MYO18A: variants seen among roughly 807,000 people sequenced by gnomAD.
MYO18A encodes the protein unconventional myosin-XVIIIa.
A neutral mutation model predicts 235.8 loss-of-function variants in MYO18A; 78 were observed. The ratio of observed to expected loss-of-function variants is 0.33; its 90% CI spans 0.28 to 0.40. The LOEUF (loss-of-function observed/expected upper bound fraction) is 0.40, where lower values mean the gene tolerates loss of function less well. Among genes scored for constraint, MYO18A ranks in the 10% least tolerant of loss-of-function variants. The pLI, the probability that MYO18A is intolerant of heterozygous loss-of-function variation, is 1.00. For synonymous variants in MYO18A, 977 were observed against 1,077.8 expected, an observed-to-expected ratio of 0.91 and a Z score of 1.83; for missense variants, 2,215 against 2,699.3, an observed-to-expected ratio of 0.82 and a Z score of 3.98.
At chr17:29,116,552 CG>C in intron 10 of MYO18A, 97 bp from the exon 11 acceptor site, 1 of 1,487,914 alleles carries the variant, frequency 6.7e-7, no homozygotes, top group Non-Finnish European at 9.4e-7. Context: ...GACCGTGGGG[CG>C]GGGGTGTTGT....
intron 1 of MYO18A, among the ~76,000 whole-genome samples, chr17:29,171,122 T>C (rs954934728): frequency 2.6e-5 from 4 of 152,204 alleles, no homozygotes; most frequent in East Asian, 1.9e-4. Flanking sequence ...GATAAGTATA[T>C]GCACTTGTCA....
intron 21 of MYO18A, 54 bp downstream of exon 21, chr17:29,103,545 C>G: frequency 6.3e-7 from 1 of 1,577,040 alleles, no homozygotes; most frequent in Non-Finnish European, 8.7e-7. Flanking sequence ...GGGCCAGCCA[C>G]CTGACAGGGG....
chr17:29,173,769 GA>G (rs544963663), intron 1 of MYO18A, among the ~76,000 whole-genome samples: 85 of 146,562 alleles, frequency 5.8e-4, no homozygotes, highest in African/African-American at 1.7e-3. Flanking sequence ...TGGTATCTGT[GA>G]AAAAAAAAAA....
At chr17:29,098,513 C>G in intron 23 of MYO18A, 68 bp from the exon 24 acceptor site, 1 of 1,561,094 alleles carries the variant, frequency 6.4e-7, no homozygotes. Context: ...TGGGTCTGCA[C>G]CCCTGTAGTG....
rs149816311 is a variant in MYO18A, at chr17:29,177,112, TAC to T, written c.-82+3199_-82+3200del. Reference sequence around the variant, plus strand: ...CTCTCTAAGCCTCCACTATTTCAGCTACAGTTATCTTCAAGGGCCTGACAGCT... The same window carrying T: ...CTCTCTAAGCCTCCACTATTTCAGCTAGTTATCTTCAAGGGCCTGACAGCT... On this transcript the variant is annotated intron_variant, in intron 1 of 41. Transcript: ENST00000527372. Among the ~76,000 whole-genome samples the T allele has an allele frequency of 7.6e-3, 1,156 of 152,308 alleles. 38 individuals are homozygous for T. The highest frequency in any genetic ancestry group is 0.052 in the Admixed American group (801 of 15,294).
At chr17:29,124,034 C>T (rs548943451) in intron 2 of MYO18A, among the ~76,000 whole-genome samples, 2 of 142,508 alleles carry the variant, frequency 1.4e-5, no homozygotes, top group South Asian at 2.3e-4. Context: ...GGCGACAGAG[C>T]GAGACTCCAT....
At chr17:29,113,114 C>G (rs1315289225) in intron 15 of MYO18A, among the ~76,000 whole-genome samples, 2 of 152,200 alleles carry the variant, frequency 1.3e-5, no homozygotes, top group African/African-American at 2.4e-5. Flanking sequence ...GTGAGGCCAC[C>G]ATAGGAGCCC....
chr17:29,099,568 C>T, intron 22 of MYO18A, 66 bp downstream of exon 22: 1 of 1,565,272 alleles, frequency 6.4e-7, no homozygotes, highest in Non-Finnish European at 8.7e-7. Flanking sequence ...CTTATAGCCC[C>T]CACCCCAGGA....
At chr17:29,156,016 G>A (rs2068059212) in intron 2 of MYO18A, among the ~76,000 whole-genome samples, 1 of 152,170 alleles carries the variant, frequency 6.6e-6, no homozygotes, top group South Asian at 2.1e-4. Flanking sequence ...GCTGAGCCTG[G>A]GCCCCAGGAG....
At chr17:29,116,920 G>T (rs927679201) in intron 10 of MYO18A, among the ~76,000 whole-genome samples, 3 of 151,858 alleles carry the variant, frequency 2.0e-5, no homozygotes, top group African/African-American at 7.3e-5. Flanking sequence ...ACGCCTGCCC[G>T]CCTGTCTGTC....
intron 2 of MYO18A, among the ~76,000 whole-genome samples, chr17:29,157,141 G>A (rs562775556): frequency 3.1e-4 from 47 of 152,352 alleles, no homozygotes; most frequent in Middle Eastern, 3.4e-3. Context: ...CCCAGATCTA[G>A]CATATGGCCC....
chr17:29,115,729 C>G lies in MYO18A; in HGVS notation c.2162G>C (p.Gly721Ala). Residue 721 changes from glycine (G) to alanine (A), a missense_variant, in exon 12 of 42, where the codon GGC becomes GCC. Coordinates refer to ENST00000527372, the MANE Select transcript of MYO18A (RefSeq NM_078471.4). ...SAIFKHQHKG[G>A]TLQRSTSFRQ... ...GAAGGAGGTGGAGCGCTGCAGGGTGCCACCCTTGTGCTGGTGCTTGAAGAT... is the reference window on the plus strand; with the variant it reads ...GAAGGAGGTGGAGCGCTGCAGGGTGGCACCCTTGTGCTGGTGCTTGAAGAT... The G allele has an allele frequency of 1.2e-6, 2 of 1,603,688 alleles. No individual in the cohort carries two copies. The highest frequency in any genetic ancestry group is 1.7e-6 in the Non-Finnish European group (2 of 1,175,408).
At chr17:29,080,118 G>A (rs934118011) in intron 41 of MYO18A, 9 of 985,952 alleles carry the variant, frequency 9.1e-6, no homozygotes, top group African/African-American at 3.5e-5. Flanking sequence ...CAGCAGAGGC[G>A]GAGCGGCGGA....
At chr17:29,170,801 C>T (rs2068384752) in intron 1 of MYO18A, among the ~76,000 whole-genome samples, 1 of 152,174 alleles carries the variant, frequency 6.6e-6, no homozygotes, top group Admixed American at 6.5e-5. Context: ...AAGGCAATGA[C>T]CATCAACCTC....
At chr17:29,115,543 A>G (rs12936218) in intron 12 of MYO18A, 102 bp from the exon 13 acceptor site, 785,268 of 1,471,726 alleles carry the variant, frequency 0.53, 215,294 homozygotes, top group East Asian at 0.89. Flanking sequence ...GGCCTGGGGC[A>G]GGGCCTCTGC....
rs1341969674 is a variant in MYO18A at position 29,124,752 on chromosome 17, C to G, written c.1000-2499G>C. The G allele has an allele frequency of 3.5e-5, 42 of 1,210,012 alleles. No individual in the cohort carries two copies. The East Asian group carries it at 2.4e-3, about 70-fold the overall frequency. The allele number at this position is 1,210,012 out of a possible 1,614,324, so 75.0% of individuals were successfully genotyped here. A position where few individuals can be genotyped will look rare whatever the true frequency, so the allele number is the denominator to read the frequency against. The stretch of plus-strand genomic sequence containing the variant: ...TGAAGATAAGCAGACCACTGGCACG[C>G]CCCCTTCAGCAAGTGCTCCTGAGTC... On this transcript the variant is annotated intron_variant, in intron 2 of 41. Transcript: ENST00000527372.
chr17:29,112,526 G>C (rs575634328), intron 15 of MYO18A, among the ~76,000 whole-genome samples: 3 of 152,252 alleles, frequency 2.0e-5, no homozygotes, highest in Non-Finnish European at 4.4e-5. Flanking sequence ...TCTCCTGGAA[G>C]AACACTGGCC....
In MYO18A at chr17:29,158,437, C is replaced by T. The variant is rs984850200; in HGVS notation, c.999+7505G>A. On this transcript the variant is annotated intron_variant, in intron 2 of 41. Coordinates refer to ENST00000527372, the MANE Select transcript of MYO18A (RefSeq NM_078471.4). The surrounding 1 kb of genome is among the most constrained non-coding windows in gnomAD (Gnocchi z 4.3). ...ACAGAAGCTGCTGCCAAACACCATGCGGGACTCTTGAATTGGCTGCCCCCC... is the reference window on the plus strand; with the variant it reads ...ACAGAAGCTGCTGCCAAACACCATGTGGGACTCTTGAATTGGCTGCCCCCC... Among the ~76,000 whole-genome samples, 9 of 147,438 alleles carry T rather than the reference C, an allele frequency of 6.1e-5. No homozygotes were observed. In the South Asian group the frequency reaches 8.9e-4, roughly 15 times the overall value.
chr17:29,130,474 C>CCACACACACACACACA (rs71135871), intron 2 of MYO18A, among the ~76,000 whole-genome samples: 2 of 142,138 alleles, frequency 1.4e-5, no homozygotes. Context: ...GAGGCCTCTC[C>CCACACACACACACACA]CACACACACA....
Sources: allele counts gnomAD v4.1 joint callset (sites outside exome capture counted in the v4.1 genomes callset), GRCh38; gene constraint gnomAD v4.1.1; non-coding constraint Gnocchi (gnomAD v3.1); transcripts MANE v1.5; gene names NCBI Gene and HGNC (gene_info 2026-07-23, HGNC 2026-07-21).